The following AGBL1 variants were observed in gnomAD, a reference collection of about 807,000 sequenced individuals.
AGBL1 encodes AGBL carboxypeptidase 1.
A neutral mutation model predicts 118.9 loss-of-function variants in AGBL1; 130 were observed. That is an observed-to-expected ratio of 1.09 (90% confidence interval 0.95 to 1.26). The LOEUF is 1.26. AGBL1 is among the 50% of genes most tolerant of loss of function. The pLI, the probability that AGBL1 is intolerant of heterozygous loss-of-function variation, is 0.00. For synonymous variants in AGBL1, 555 were observed against 478.9 expected (o/e 1.16, Z -2.08); for missense variants, 1,584 against 1,298.1 (o/e 1.22, Z -3.38).
At chr15:86,320,725 G>A (rs945168399) in intron 17 of AGBL1, among the ~76,000 whole-genome samples, 1 of 106,924 alleles carries the variant, frequency 9.4e-6, no homozygotes, top group African/African-American at 6.8e-5. Flanking sequence ...GTGTGTGCGT[G>A]TGTGTGTGTG....
intron 22 of AGBL1, among the ~76,000 whole-genome samples, chr15:86,777,539 A>G (rs752084380): frequency 1.6e-4 from 24 of 152,214 alleles, no homozygotes; most frequent in Non-Finnish European, 2.2e-4. Context: ...AATTTTAACT[A>G]TAACCACATT....
At chr15:86,536,975 C>T (rs993896964) in intron 19 of AGBL1, among the ~76,000 whole-genome samples, 9 of 152,194 alleles carry the variant, frequency 5.9e-5, no homozygotes, top group African/African-American at 9.6e-5. Flanking sequence ...TAGCAATGAT[C>T]GTGGCCAAGG....
intron 22 of AGBL1, among the ~76,000 whole-genome samples, chr15:86,707,143 C>T (rs1226717470): frequency 6.6e-6 from 1 of 152,134 alleles, no homozygotes; most frequent in East Asian, 1.9e-4. Flanking sequence ...CTTCACTCAG[C>T]AAGTACCTGA....
At chr15:86,423,597 G>T (rs191541348) in intron 18 of AGBL1, among the ~76,000 whole-genome samples, 27 of 152,250 alleles carry the variant, frequency 1.8e-4, no homozygotes, top group Admixed American at 3.3e-4. Flanking sequence ...AAGTCAAATT[G>T]TCTCTGTTTG....
At chr15:86,938,859 C>G (rs1047015533) in intron 23 of AGBL1, 1 of 152,176 alleles carries the variant, frequency 6.6e-6, no homozygotes. Context: ...TTTCTTTTTA[C>G]TGGAGAACTG....
intron 22 of AGBL1, among the ~76,000 whole-genome samples, chr15:86,893,207 G>A (rs1160931241): frequency 3.9e-5 from 6 of 152,114 alleles, no homozygotes; most frequent in Non-Finnish European, 8.8e-5. Context: ...CAGGTAGCTG[G>A]GAGAGTATGC....
At chr15:86,180,139 G>A (rs541687740) in intron 5 of AGBL1, among the ~76,000 whole-genome samples, 13 of 152,076 alleles carry the variant, frequency 8.5e-5, no homozygotes, top group Admixed American at 6.6e-4. Flanking sequence ...CTATAGATTC[G>A]TTGCACTCCC....
At position 86,207,847 on chromosome 15, in the gene AGBL1, A is replaced by G. The variant is rs1345981538; in HGVS notation, c.489-17067A>G. 4.6e-5 allele frequency among the ~76,000 whole-genome samples: 7 copies of G among 152,280 alleles called. 1 individual carries two copies. Among genetic ancestry groups the G allele is most frequent in the South Asian group, 2.1e-4 (1 of 4,826 alleles). ...TGCCCTGACCAGAACTTCCAACACT[A>G]TGTTGAATAGGAGTGGTGAGAGAGG... On this transcript the variant is annotated intron_variant, in intron 5 of 22. Coordinates refer to ENST00000614907, the MANE Select transcript of AGBL1 (RefSeq NM_001386094.1).
At chr15:86,114,537 A>C (rs1430896898) in intron 1 of AGBL1, among the ~76,000 whole-genome samples, 3 of 152,198 alleles carry the variant, frequency 2.0e-5, no homozygotes, top group Non-Finnish European at 2.9e-5. Flanking sequence ...TATGATGTAG[A>C]TATTGTACTT....
At chr15:86,091,307 C>T (rs1262955791) in intron 1 of AGBL1, among the ~76,000 whole-genome samples, 1 of 152,146 alleles carries the variant, frequency 6.6e-6, no homozygotes, top group Non-Finnish European at 1.5e-5. Context: ...CTTTCAAATG[C>T]TAATGTCTGA....
At chr15:86,479,525 A>G (rs192039425) in intron 18 of AGBL1, among the ~76,000 whole-genome samples, 2 of 152,202 alleles carry the variant, frequency 1.3e-5, no homozygotes, top group African/African-American at 4.8e-5. Flanking sequence ...CAAAACCACA[A>G]TGAGATACCA....
intron 1 of AGBL1, among the ~76,000 whole-genome samples, chr15:86,108,396 G>T (rs1219216599): frequency 6.6e-6 from 1 of 152,154 alleles, no homozygotes; most frequent in African/African-American, 2.4e-5. Flanking sequence ...TAGCTTTACT[G>T]CTTAAAGACA....
chr15:86,876,443 C>T (rs533703329), intron 22 of AGBL1, among the ~76,000 whole-genome samples: 1 of 152,238 alleles, frequency 6.6e-6, no homozygotes, highest in South Asian at 2.1e-4. Flanking sequence ...GATGTTCAGA[C>T]TAGATGCTGC....
At chr15:86,083,734 A>G (rs1895447972) in intron 1 of AGBL1, 1 of 152,200 alleles carries the variant, frequency 6.6e-6, no homozygotes, top group Non-Finnish European at 1.5e-5. Context: ...CAAATAGAGG[A>G]AGGGTAGAAA....
chr15:86,745,248 C>T (rs1015097167), intron 22 of AGBL1, among the ~76,000 whole-genome samples: 1 of 151,892 alleles, frequency 6.6e-6, no homozygotes, highest in Non-Finnish European at 1.5e-5. Context: ...GGCATTGTGC[C>T]CAATCTTTCT....
In AGBL1 at chr15:86,434,496, T is replaced by C. The variant is rs542115117; in HGVS notation, c.2555+36950T>C. Among the ~76,000 whole-genome samples the C allele has an allele frequency of 5.9e-5, 9 of 152,350 alleles. No individual in the cohort carries two copies. In the South Asian group the frequency reaches 1.9e-3, roughly 32 times the overall value. On this transcript the variant is annotated intron_variant, in intron 18 of 22. Coordinates refer to ENST00000614907, the MANE Select transcript of AGBL1 (RefSeq NM_001386094.1). ...CTAATTTATTTACTTATTATATTTA[T>C]GGGATGCACCCATTACTTATTAGCC...
At position 86,925,122 on chromosome 15, in the gene AGBL1, A is replaced by AGAAGAG. The variant is rs1555463546; in HGVS notation, c.3222-62844_3222-62839dup. Among the ~76,000 whole-genome samples, 3 of 74,066 alleles carry AGAAGAG rather than the reference A, an allele frequency of 4.1e-5. No homozygotes were observed. In the Admixed American group the frequency reaches 4.6e-4, roughly 11 times the overall value. 48.6% of individuals were successfully genotyped at this position (74,066 alleles called of 152,430 possible). On this transcript the variant is annotated intron_variant, in intron 23 of 24. Coordinates refer to the AGBL1 transcript ENST00000441037. The stretch of plus-strand genomic sequence containing the variant: ...GTCAAGAAGAAGAAGAAGAAGAAGA[A>AGAAGAG]GAAGAGGAAGAGGAAGAGGAAGAGG...
chr15:86,341,328 G>T (rs890186955), intron 17 of AGBL1, among the ~76,000 whole-genome samples: 1 of 152,078 alleles, frequency 6.6e-6, no homozygotes, highest in Admixed American at 6.6e-5. Flanking sequence ...TGTGACAATT[G>T]GCATTTCTGG....
chr15:86,685,568 T>G (rs572674620), intron 22 of AGBL1, among the ~76,000 whole-genome samples: 1 of 152,110 alleles, frequency 6.6e-6, no homozygotes, highest in African/African-American at 2.4e-5. Context: ...GAGACGATAA[T>G]GATATAGAAT....
Sources: allele counts gnomAD v4.1 joint callset (sites outside exome capture counted in the v4.1 genomes callset), GRCh38; gene constraint gnomAD v4.1.1; transcripts MANE v1.5; gene names NCBI Gene and HGNC (gene_info 2026-07-23, HGNC 2026-07-21).